CRYBG3: variants seen among roughly 807,000 people sequenced by gnomAD.
The protein encoded by CRYBG3 is very large A-kinase anchor protein.
A neutral mutation model predicts 244.2 loss-of-function variants in CRYBG3; 127 were observed. That is an observed-to-expected ratio of 0.52 (90% CI 0.45 to 0.60). The LOEUF is 0.60. Ranked by LOEUF, CRYBG3 falls within the 20% of genes least tolerant of loss-of-function variation. The pLI is 0.00. For missense variants in CRYBG3, 3,325 were observed against 3,442.5 expected, an observed-to-expected ratio of 0.97 and a Z score of 0.85; for synonymous variants, 1,132 against 1,195.8, an observed-to-expected ratio of 0.95 and a Z score of 1.10.
intron 7 of CRYBG3, among the ~76,000 whole-genome samples, chr3:97,883,788 C>T (rs767937723): frequency 6.6e-6 from 1 of 152,188 alleles, no homozygotes; most frequent in Non-Finnish European, 1.5e-5. Context: ...AGGCATCAAA[C>T]TGCTTCCTTT....
At chr3:97,886,184 A>G (rs573630271) in intron 7 of CRYBG3, among the ~76,000 whole-genome samples, 9 of 152,312 alleles carry the variant, frequency 5.9e-5, no homozygotes, top group African/African-American at 1.7e-4. Context: ...TAAACACTGA[A>G]GAGGGTACTG....
chr3:97,911,668 C>T (rs1304342321), intron 15 of CRYBG3, among the ~76,000 whole-genome samples: 2 of 152,224 alleles, frequency 1.3e-5, no homozygotes, highest in East Asian at 1.9e-4. Flanking sequence ...TGCTTAAGGG[C>T]ATGTGCTCGT....
rs2039375033 is a variant in CRYBG3 at position 97,876,553 on chromosome 3, A to G, written c.5359A>G (p.Thr1787Ala). ...TEGSVLKMEA[T>A]YRKTAEEVIK... ...AGGGTCTGTGTTGAAAATGGAAGCT[A>G]CTTACCGAAAGACTGCTGAAGAGGT... Residue 1787 changes from threonine (T) to alanine (A), a missense_variant, in exon 4 of 22, where the codon ACT (threonine) becomes GCT (alanine). Thr to Ala is a moderately conservative substitution (Grantham distance 58, BLOSUM62 0). Transcript: ENST00000389622. 1 of 1,232,256 alleles carries G rather than the reference A, an allele frequency of 8.1e-7. No homozygotes were observed. Among genetic ancestry groups the G allele is most frequent in the African/African-American group, 1.5e-5 (1 of 64,530 alleles). The allele number at this position is 1,232,256 out of a possible 1,614,324, so 76.3% of individuals were successfully genotyped here. A position where few individuals can be genotyped will look rare whatever the true frequency, so the allele number is the denominator to read the frequency against.
chr3:97,931,980 G>A (rs980987986), intron 17 of CRYBG3, among the ~76,000 whole-genome samples: 10 of 151,926 alleles, frequency 6.6e-5, no homozygotes, highest in East Asian at 1.9e-4. Context: ...CAATGCCAAC[G>A]TGTAATAATT....
At chr3:97,862,321 C>T (rs2039162563) in intron 2 of CRYBG3, among the ~76,000 whole-genome samples, 1 of 151,828 alleles carries the variant, frequency 6.6e-6, no homozygotes, top group Admixed American at 6.6e-5. Flanking sequence ...TAAATCATTG[C>T]CCAGATTATA....
intron 3 of CRYBG3, among the ~76,000 whole-genome samples, chr3:97,870,148 CTTTTA>C (rs1481483682): frequency 1.3e-5 from 2 of 151,974 alleles, no homozygotes; most frequent in African/African-American, 4.8e-5. Flanking sequence ...ATAATTTCAA[CTTTTA>C]TTTTAGAGTT....
intron 2 of CRYBG3, among the ~76,000 whole-genome samples, chr3:97,851,613 G>A (rs1324251224): frequency 3.3e-5 from 5 of 152,238 alleles, no homozygotes; most frequent in African/African-American, 9.6e-5. Context: ...AGAAAGAAAG[G>A]TAGGGAGGGA....
chr3:97,943,153 G>C, intron 21 of CRYBG3, 73 bp from the exon 22 acceptor site: 1 of 812,784 alleles, frequency 1.2e-6, no homozygotes. Flanking sequence ...CTGAACAGAA[G>C]CTTGTGAAAA....
intron 17 of CRYBG3, among the ~76,000 whole-genome samples, chr3:97,923,614 A>G (rs1299237863): frequency 1.3e-5 from 2 of 152,124 alleles, no homozygotes; most frequent in East Asian, 3.9e-4. Flanking sequence ...AAAACAAAAA[A>G]GGAGAAAACA....
chr3:97,904,715 T>A (rs2039746989), intron 15 of CRYBG3, among the ~76,000 whole-genome samples: 1 of 151,048 alleles, frequency 6.6e-6, no homozygotes, highest in South Asian at 2.1e-4. Flanking sequence ...TTTTTAAGTT[T>A]CTGAGTCTTT....
chr3:97,862,599 A>G (rs1258094058), intron 2 of CRYBG3, among the ~76,000 whole-genome samples: 2 of 152,204 alleles, frequency 1.3e-5, no homozygotes, highest in Non-Finnish European at 2.9e-5. Context: ...AATGTCAATT[A>G]GCATATCTTC....
chr3:97,906,545 TTGTC>T (rs1217608784), intron 15 of CRYBG3, among the ~76,000 whole-genome samples: 1 of 144,464 alleles, frequency 6.9e-6, no homozygotes, highest in African/African-American at 2.6e-5. Context: ...GGTTCTCTGT[TTGTC>T]TGTTGTTGGT....
chr3:97,873,000 C>T lies in CRYBG3; in HGVS notation c.1806C>T (p.Ser602=). 1 of 1,535,766 alleles carries T rather than the reference C, an allele frequency of 6.5e-7. No individual in the cohort carries two copies. The highest frequency in any genetic ancestry group is 1.2e-5 in the South Asian group (1 of 83,990). The part of the protein sequence containing the change: ...NYISESAVVA[S]LGNENAPELK... Reference sequence around the variant, plus strand: ...TCAGTGAATCAGCAGTTGTAGCAAGCTTAGGAAATGAAAATGCACCTGAGT... The same window carrying T: ...TCAGTGAATCAGCAGTTGTAGCAAGTTTAGGAAATGAAAATGCACCTGAGT... Residue 602 remains serine (S), a synonymous_variant, in exon 4 of 22, where the codon AGC becomes AGT. Coordinates refer to ENST00000389622, the MANE Select transcript of CRYBG3 (RefSeq NM_153605.4).
rs1367720493 is a variant in CRYBG3, at chr3:97,822,289, AG to A, written c.85del (p.Glu29LysfsTer28). 1 of 1,530,130 alleles carries A rather than the reference AG, an allele frequency of 6.5e-7. No homozygotes were observed. The highest frequency in any genetic ancestry group is 8.7e-7 in the Non-Finnish European group (1 of 1,144,422). The allele number at this position is 1,530,130 out of a possible 1,614,324, so 94.8% of individuals were successfully genotyped here. On this transcript the variant is annotated frameshift_variant, in exon 1 of 22. Transcript: ENST00000389622. LOFTEE classifies it high-confidence loss of function. ...FFAPRSPSRD[K>X]EEEEEERPGT... The stretch of plus-strand genomic sequence containing the variant: ...GCTCCCCGAAGTCCTTCCCGGGACA[AG>A]GAAGAGGAAGAGGAGGAGAGGCCGG...
In CRYBG3 at chr3:97,873,235, G is replaced by A. The variant is rs1305668145; in HGVS notation, c.2041G>A (p.Val681Met). The A allele has an allele frequency of 2.6e-6, 4 of 1,535,400 alleles. No individual in the cohort carries two copies. The highest frequency in any genetic ancestry group is 3.5e-6 in the Non-Finnish European group (4 of 1,146,670). ...TGATTTAATGAATGAGGGTTCTCCT[G>A]TGCCCATTGAAACTGGGAATGTCAA... is the stretch of plus-strand genomic sequence containing the variant. Reference protein sequence around the residue: ...IPDLMNEGSPVPIETGNVNIV... With the variant: ...IPDLMNEGSPMPIETGNVNIV... The change falls in exon 4 of 22, where the codon GTG becomes ATG. Residue 681 changes from valine (V) to methionine (M), a missense_variant. Around this residue, in one of 4 missense-constraint regions of CRYBG3, gnomAD observed 1,526 missense variants for 1,443.2 expected, o/e 1.06. Coordinates refer to ENST00000389622, the MANE Select transcript of CRYBG3 (RefSeq NM_153605.4).
intron 14 of CRYBG3, 47 bp from the exon 15 acceptor site, chr3:97,900,406 C>CAACTA (rs5851085): frequency 0.5 from 641,756 of 1,289,182 alleles, 163,733 homozygotes; most frequent in East Asian, 0.72. Flanking sequence ...TTCAAAAAGA[C>CAACTA]AGATTATGTG....
At chr3:97,829,998 C>T (rs890736899) in intron 1 of CRYBG3, among the ~76,000 whole-genome samples, 2 of 152,084 alleles carry the variant, frequency 1.3e-5, no homozygotes, top group African/African-American at 4.8e-5. Flanking sequence ...GGTTTATAAA[C>T]TTTGGACAAT....
chr3:97,898,246 T>C (rs1182296932), intron 12 of CRYBG3, among the ~76,000 whole-genome samples: 2 of 151,964 alleles, frequency 1.3e-5, no homozygotes, highest in African/African-American at 4.8e-5. Flanking sequence ...GAAAGAAAGT[T>C]TTATCTAATT....
intron 2 of CRYBG3, among the ~76,000 whole-genome samples, chr3:97,861,848 A>G (rs748605582): frequency 6.6e-6 from 1 of 152,136 alleles, no homozygotes; most frequent in Non-Finnish European, 1.5e-5. Flanking sequence ...CTATAAATAC[A>G]TAATTTATTG....
Sources: gnomAD v4.1 joint callset for allele counts (sites outside exome capture counted in the v4.1 genomes callset) on GRCh38, gnomAD v4.1.1 for gene constraint, gnomAD v4.1.1 regional missense constraint, MANE v1.5 for transcripts, NCBI Gene and HGNC (gene_info 2026-07-23, HGNC 2026-07-21) for gene names.